The following AKR1D1 variants were observed in gnomAD, a reference collection of about 807,000 sequenced individuals.
AKR1D1 encodes the protein aldo-keto reductase family 1 member D1.
Under a neutral mutation model 42.6 loss-of-function variants are expected in AKR1D1, and 32 were observed. That is an observed-to-expected ratio of 0.75 (90% CI 0.57 to 1.01). The LOEUF is 1.01. Among genes scored for constraint, AKR1D1 ranks in the 50% least tolerant of loss-of-function variants. The probability of loss-of-function intolerance (pLI) is 0.00; values close to 1 mark genes in which losing one functional copy is unlikely to be tolerated. For synonymous variants in AKR1D1, 123 were observed against 135.5 expected (o/e 0.91, Z 0.64); for missense variants, 364 against 402.2 (o/e 0.91, Z 0.81).
chr7:138,097,869 G>C lies in AKR1D1; in HGVS notation c.382G>C (p.Gly128Arg). The change falls in exon 4 of 9, where the codon GGA becomes CGA. Residue 128 changes from glycine to arginine, a missense_variant. Transcript: ENST00000242375. ...IIEVPMAFKP[G>R]DEIYPRDENG... ...ATTCTTTTTTTTTTTTTTTCAGCCA[G>C]GAGATGAAATATACCCTAGAGATGA... 3.1e-6 allele frequency: 5 copies of C among 1,594,506 alleles called. No homozygotes were observed. In the South Asian group the frequency reaches 4.5e-5, roughly 14 times the overall value.
chr7:138,103,365 T>C (rs1023584479), intron 4 of AKR1D1, among the ~76,000 whole-genome samples: 1 of 152,174 alleles, frequency 6.6e-6, no homozygotes, highest in Non-Finnish European at 1.5e-5. Flanking sequence ...ATATATACTA[T>C]TAGCATCACA....
Position 138,113,765 on chromosome 7 carries a change from T to G in AKR1D1, c.931T>G (p.Leu311Val), listed in dbSNP as rs1362573972. Residue 311 changes from leucine to valine, a missense_variant, in exon 8 of 9, where the codon TTG becomes GTG. Coordinates refer to ENST00000242375, the MANE Select transcript of AKR1D1 (RefSeq NM_005989.4). ...ALNKNVRFVE[L>V]LMWRDHPEYP... ...GAATAAAAATGTCCGCTTTGTAGAATTGCTCATGTAAGTTCCGGGGATCAT... is the reference window on the plus strand; with the variant it reads ...GAATAAAAATGTCCGCTTTGTAGAAGTGCTCATGTAAGTTCCGGGGATCAT... 6.2e-7 allele frequency: 1 copy of G among 1,613,874 alleles called. No individual in the cohort carries two copies. The highest frequency in any genetic ancestry group is 1.7e-5 in the Admixed American group (1 of 59,994).
At chr7:138,113,132 C>G (rs1794566566) in intron 7 of AKR1D1, among the ~76,000 whole-genome samples, 1 of 152,056 alleles carries the variant, frequency 6.6e-6, no homozygotes, top group African/African-American at 2.4e-5. Flanking sequence ...GCCTGGGCAG[C>G]ATGGTGAAAC....
chr7:138,078,408 C>T (rs1442264923), intron 1 of AKR1D1, among the ~76,000 whole-genome samples: 3 of 152,190 alleles, frequency 2.0e-5, no homozygotes, highest in African/African-American at 7.2e-5. Flanking sequence ...ATAAACTACC[C>T]ATAGCAAGAG....
chr7:138,105,494 G>A, intron 5 of AKR1D1, 65 bp downstream of exon 5: 1 of 1,606,386 alleles, frequency 6.2e-7, no homozygotes, highest in Non-Finnish European at 8.5e-7. Flanking sequence ...ACACAAAGAA[G>A]CCTCAGCTGG....
At chr7:138,092,805 T>TA (rs1585727973) in intron 3 of AKR1D1, among the ~76,000 whole-genome samples, 1 of 152,174 alleles carries the variant, frequency 6.6e-6, no homozygotes, top group South Asian at 2.1e-4. Context: ...ACCTGGCACT[T>TA]ACCATGAATG....
chr7:138,102,013 C>G (rs1053416972), intron 4 of AKR1D1, among the ~76,000 whole-genome samples: 11 of 152,072 alleles, frequency 7.2e-5, no homozygotes, highest in Non-Finnish European at 1.2e-4. Flanking sequence ...GAGTTCGAGA[C>G]CAGCCTGGGC....
At chr7:138,092,788 C>T (rs1794109687) in intron 3 of AKR1D1, among the ~76,000 whole-genome samples, 1 of 152,046 alleles carries the variant, frequency 6.6e-6, no homozygotes, top group African/African-American at 2.4e-5. Flanking sequence ...AGATAAGATA[C>T]ACCTATACCT....
chr7:138,081,932 T>C (rs903370570), intron 1 of AKR1D1, among the ~76,000 whole-genome samples: 2 of 152,188 alleles, frequency 1.3e-5, no homozygotes, highest in East Asian at 3.9e-4. Context: ...CATGACTCCA[T>C]GGCTGTGAAA....
intron 7 of AKR1D1, 109 bp from the exon 8 acceptor site, chr7:138,113,581 A>T: frequency 2.2e-6 from 2 of 899,718 alleles, no homozygotes; most frequent in Non-Finnish European, 3.6e-6. Context: ...GACTCCTCTT[A>T]GACATTTGCA....
intron 1 of AKR1D1, among the ~76,000 whole-genome samples, chr7:138,087,936 T>G (rs10236488): frequency 0.021 from 3,139 of 151,138 alleles, 114 homozygotes; most frequent in African/African-American, 0.072. Context: ...TGTTGCCCAG[T>G]CTGGAGTACA....
chr7:138,090,435 G>A (rs745799918), intron 2 of AKR1D1, among the ~76,000 whole-genome samples: 1 of 151,960 alleles, frequency 6.6e-6, no homozygotes, highest in Non-Finnish European at 1.5e-5. Flanking sequence ...TCAGAAGTTC[G>A]AGACCAGACT....
At position 138,110,183 on chromosome 7, in the gene AKR1D1, G is replaced by C. The variant is rs117537057; in HGVS notation, c.855+2603G>C. On this transcript the variant is annotated intron_variant, in intron 7 of 8. Transcript: ENST00000242375. Reference sequence around the variant, plus strand: ...ATAAATTATGCTCTCTTAGAATGAAGGTAAAATAAACTGTTAGAAATATTT... The same window carrying C: ...ATAAATTATGCTCTCTTAGAATGAACGTAAAATAAACTGTTAGAAATATTT... 6.0e-3 allele frequency among the ~76,000 whole-genome samples: 912 copies of C among 151,454 alleles called. 7 individuals carry two copies. Among genetic ancestry groups the C allele is most frequent in the Middle Eastern group, 0.017 (5 of 290 alleles).
chr7:138,078,837 C>T (rs1177972469), intron 1 of AKR1D1, among the ~76,000 whole-genome samples: 1 of 152,120 alleles, frequency 6.6e-6, no homozygotes, highest in African/African-American at 2.4e-5. Flanking sequence ...CTGAATGAGC[C>T]ATGGGGCAAA....
At chr7:138,078,918 G>A (rs894390888) in intron 1 of AKR1D1, among the ~76,000 whole-genome samples, 2 of 152,206 alleles carry the variant, frequency 1.3e-5, no homozygotes, top group Non-Finnish European at 1.5e-5. Context: ...TTTTGCCCCT[G>A]AGCAAAGGGA....
intron 7 of AKR1D1, among the ~76,000 whole-genome samples, chr7:138,110,524 A>G (rs1165886012): frequency 6.6e-6 from 1 of 152,138 alleles, no homozygotes; most frequent in Non-Finnish European, 1.5e-5. Flanking sequence ...AGGCTGAGGC[A>G]GGTGGATCAC....
intron 3 of AKR1D1, among the ~76,000 whole-genome samples, chr7:138,094,200 G>GTGTT (rs1325579875): frequency 7.2e-5 from 11 of 152,070 alleles, no homozygotes; most frequent in Non-Finnish European, 1.3e-4. Flanking sequence ...ATGTTTTTTG[G>GTGTT]TGTTTGTTTG....
At chr7:138,106,547 A>G in intron 5 of AKR1D1, 61 bp from the exon 6 acceptor site, 1 of 1,262,304 alleles carries the variant, frequency 7.9e-7, no homozygotes, top group Admixed American at 1.7e-5. Flanking sequence ...TTTTAACAGT[A>G]CAATTGCATT....
In AKR1D1 at chr7:138,097,961, T is replaced by C; in HGVS notation, c.456+18T>C. On this transcript the variant is annotated intron_variant, in intron 4 of 8. Transcript: ENST00000242375. Reference sequence around the variant, plus strand: ...CTTGGGAGGTAAGTTCAAATGTGCTTCTTATTTTAAAAGACGATATTTTTA... The same window carrying C: ...CTTGGGAGGTAAGTTCAAATGTGCTCCTTATTTTAAAAGACGATATTTTTA... 1 of 1,585,148 alleles carries C rather than the reference T, an allele frequency of 6.3e-7. No individual in the cohort carries two copies. The highest frequency in any genetic ancestry group is 8.7e-7 in the Non-Finnish European group (1 of 1,153,990).
Sources: allele counts gnomAD v4.1 joint callset (sites outside exome capture counted in the v4.1 genomes callset), GRCh38; gene constraint gnomAD v4.1.1; transcripts MANE v1.5; gene names NCBI Gene and HGNC (gene_info 2026-07-23, HGNC 2026-07-21).